Variants in MAP3K21 observed in about 807,000 individuals in gnomAD.
MAP3K21 encodes mitogen-activated protein kinase kinase kinase MLK4.
MAP3K21 carries 63 observed loss-of-function variants against 86.1 expected under a neutral mutation model. The observed-to-expected ratio is 0.73, with a 90% CI of 0.60 to 0.90. MAP3K21 has a LOEUF of 0.90. Ranked by LOEUF, MAP3K21 falls within the 40% of genes least tolerant of loss-of-function variation. The pLI is 0.00. For synonymous variants in MAP3K21, 558 were observed against 564.8 expected, an observed-to-expected ratio of 0.99 and a Z score of 0.17; for missense variants, 1,220 against 1,367.7, an observed-to-expected ratio of 0.89 and a Z score of 1.70.
intron 4 of MAP3K21, among the ~76,000 whole-genome samples, chr1:233,358,452 A>T (rs1489215330): frequency 6.9e-6 from 1 of 145,428 alleles, no homozygotes; most frequent in Admixed American, 7.1e-5. Context: ...ACTTAAAATG[A>T]TACAGGAAAG....
Position 233,327,919 on chromosome 1 carries a change from C to G in MAP3K21, c.-110C>G, listed in dbSNP as rs1474172394. ...CCGTCACCGATCGCGATTCCTACCC[C>G]CTCGCCTTCCCCCGGCGCCGACGGC... On this transcript the variant is annotated 5_prime_UTR_variant, in exon 1 of 10. Coordinates refer to ENST00000366624, the MANE Select transcript of MAP3K21 (RefSeq NM_032435.3). The G allele has an allele frequency of 1.2e-6, 1 of 856,328 alleles. No homozygotes were observed. Among genetic ancestry groups the G allele is most frequent in the South Asian group, 5.5e-5 (1 of 18,048 alleles). The allele number at this position is 856,328 out of a possible 1,614,324, so 53.0% of individuals were successfully genotyped here.
chr1:233,378,812 T>C lies in MAP3K21; in HGVS notation c.1925-119T>C, dbSNP rs558589908. Reference sequence around the variant, plus strand: ...AATCATTTGCAGAAATGAAAAGGGCTGCATGTGTTTTGATTTAAAATATGT... The same window carrying C: ...AATCATTTGCAGAAATGAAAAGGGCCGCATGTGTTTTGATTTAAAATATGT... On this transcript the variant is annotated intron_variant, in intron 8 of 9. Coordinates refer to ENST00000366624, the MANE Select transcript of MAP3K21 (RefSeq NM_032435.3). The C allele has an allele frequency of 5.2e-5, 39 of 743,410 alleles. 1 individual carries two copies. The South Asian group carries it at 6.9e-4, about 13-fold the overall frequency. 46.1% of individuals were successfully genotyped at this position (743,410 alleles called of 1,614,324 possible).
At chr1:233,378,815 A>G (rs1663847671) in intron 8 of MAP3K21, 116 bp from the exon 9 acceptor site, 1 of 756,882 alleles carries the variant, frequency 1.3e-6, no homozygotes, top group Non-Finnish European at 2.1e-6. Flanking sequence ...AAAGGGCTGC[A>G]TGTGTTTTGA....
rs766060226 is a variant in MAP3K21 at position 233,355,058 on chromosome 1, C to T, written c.1311+47C>T. 5 of 1,417,472 alleles carry T rather than the reference C, an allele frequency of 3.5e-6. No individual in the cohort carries two copies. The Admixed American group carries it at 9.7e-5, about 27-fold the overall frequency. The allele number at this position is 1,417,472 out of a possible 1,614,324, so 87.8% of individuals were successfully genotyped here. A position where few individuals can be genotyped will look rare whatever the true frequency, so the allele number is the denominator to read the frequency against. On this transcript the variant is annotated intron_variant, in intron 4 of 9. Transcript: ENST00000366624. ...CATAATGTACTCAAATTTATGAAAA[C>T]TATGGAAAATATGAGGCAAGAAGCA...
rs771269857 is a variant in MAP3K21, at chr1:233,328,751, C to T, written c.723C>T (p.Ala241=). The T allele has an allele frequency of 6.6e-7, 1 of 1,523,598 alleles. No homozygotes were observed. The highest frequency in any genetic ancestry group is 8.8e-7 in the Non-Finnish European group (1 of 1,134,242). 94.4% of individuals were successfully genotyped at this position (1,523,598 alleles called of 1,614,324 possible). A position where few individuals can be genotyped will look rare whatever the true frequency, so the allele number is the denominator to read the frequency against. Residue 241 remains alanine (A), a synonymous_variant, in exon 1 of 10, where the codon GCC becomes GCT. Transcript: ENST00000366624. This position sits in a 1 kb window ranked among gnomAD's most constrained non-coding sequence, Gnocchi z 8.7. ...RIPPHVLVNW[A]VQIARGMLYL... ...CTCCGCACGTGCTGGTCAACTGGGC[C>T]GTGCAGATAGCGCGGGGCATGCTCT...
intron 5 of MAP3K21, among the ~76,000 whole-genome samples, chr1:233,366,496 C>T (rs1302494266): frequency 6.6e-6 from 1 of 152,038 alleles, no homozygotes; most frequent in African/African-American, 2.4e-5. Context: ...AACAAAAAGA[C>T]GAAGAGAAAC....
rs533685820 is a variant in MAP3K21 at position 233,346,753 on chromosome 1, C to A, written c.986+131C>A. 544 of 783,266 alleles carry A rather than the reference C, an allele frequency of 6.9e-4. 3 individuals are homozygous for A. Among genetic ancestry groups the A allele is most frequent in the Admixed American group, 2.1e-4 (7 of 33,558 alleles). 48.5% of individuals were successfully genotyped at this position (783,266 alleles called of 1,614,324 possible). ...TTGAATGAATTTTTATGGTTTTGAT[C>A]AAAATAATTGTAATGACAACGGAAC... On this transcript the variant is annotated intron_variant, in intron 2 of 9. Coordinates refer to ENST00000366624, the MANE Select transcript of MAP3K21 (RefSeq NM_032435.3).
At chr1:233,371,608 C>T (rs1663681429) in intron 5 of MAP3K21, among the ~76,000 whole-genome samples, 1 of 152,160 alleles carries the variant, frequency 6.6e-6, no homozygotes, top group African/African-American at 2.4e-5. Context: ...GATCTGCCCA[C>T]CTCAGCCTCC....
Position 233,328,971 on chromosome 1 carries a change from G to T in MAP3K21, c.805+138G>T. 1.2e-6 allele frequency: 1 copy of T among 836,764 alleles called. No homozygotes were observed. Among genetic ancestry groups the T allele is most frequent in the Non-Finnish European group, 1.6e-6 (1 of 623,848 alleles). The allele number at this position is 836,764 out of a possible 1,614,324, so 51.8% of individuals were successfully genotyped here. A position where few individuals can be genotyped will look rare whatever the true frequency, so the allele number is the denominator to read the frequency against. ...CAGCAACTCATGCCCAGGCCTTCAG[G>T]GCTCGGAAGTCCAGCTAGTCCTTGG... On this transcript the variant is annotated intron_variant, in intron 1 of 9. Transcript: ENST00000366624. This position sits in a 1 kb window ranked among gnomAD's most constrained non-coding sequence, Gnocchi z 8.7.
At chr1:233,330,038 A>G (rs1382924649) in intron 1 of MAP3K21, among the ~76,000 whole-genome samples, 1 of 152,262 alleles carries the variant, frequency 6.6e-6, no homozygotes, top group Non-Finnish European at 1.5e-5. Flanking sequence ...GCATTGGCCT[A>G]CAACAGCTGG....
At chr1:233,337,078 A>T (rs939802964) in intron 1 of MAP3K21, among the ~76,000 whole-genome samples, 1 of 152,184 alleles carries the variant, frequency 6.6e-6, no homozygotes, top group Non-Finnish European at 1.5e-5. Context: ...GAATAGGGTG[A>T]CGTGAGGATT....
At position 233,346,593 on chromosome 1, in the gene MAP3K21, C is replaced by A; in HGVS notation, c.957C>A (p.Ser319=). ...AWMAPEVIKS[S]LFSKGSDIWS... is the part of the protein sequence containing the mutation. Reference sequence around the variant, plus strand: ...TGGCCCCCGAAGTGATCAAGTCTTCCTTGTTTTCTAAGGGAAGCGACATCT... The same window carrying A: ...TGGCCCCCGAAGTGATCAAGTCTTCATTGTTTTCTAAGGGAAGCGACATCT... The change falls in exon 2 of 10, where the codon TCC becomes TCA. Residue 319 remains serine, a synonymous_variant. Transcript: ENST00000366624. 6.2e-7 allele frequency: 1 copy of A among 1,613,544 alleles called. No homozygotes were observed. The highest frequency in any genetic ancestry group is 2.2e-5 in the East Asian group (1 of 44,876).
intron 4 of MAP3K21, 88 bp from the exon 5 acceptor site, chr1:233,361,965 G>A: frequency 6.8e-7 from 1 of 1,477,236 alleles, no homozygotes; most frequent in Non-Finnish European, 9.1e-7. Flanking sequence ...AGGAGCCCGT[G>A]GCCGAGGGGT....
chr1:233,369,220 CAAAAAAAAAA>C (rs35461412), intron 5 of MAP3K21, among the ~76,000 whole-genome samples: 1 of 105,640 alleles, frequency 9.5e-6, no homozygotes, highest in African/African-American at 3.6e-5. Context: ...TAGTAAAATA[CAAAAAAAAAA>C]AAAAAAAAAA....
At chr1:233,369,699 A>T (rs1663647738) in intron 5 of MAP3K21, among the ~76,000 whole-genome samples, 1 of 152,208 alleles carries the variant, frequency 6.6e-6, no homozygotes, top group Non-Finnish European at 1.5e-5. Flanking sequence ...AAATTTCAAT[A>T]TCCATAAAGA....
In MAP3K21 at chr1:233,355,136, C is replaced by T. The variant is rs902994226; in HGVS notation, c.1311+125C>T. 10 of 698,072 alleles carry T rather than the reference C, an allele frequency of 1.4e-5. No individual in the cohort carries two copies. In the African/African-American group the frequency reaches 1.8e-4, roughly 13 times the overall value. 43.2% of individuals were successfully genotyped at this position (698,072 alleles called of 1,614,324 possible). On this transcript the variant is annotated intron_variant, in intron 4 of 9. Coordinates refer to ENST00000366624, the MANE Select transcript of MAP3K21 (RefSeq NM_032435.3). Reference sequence around the variant, plus strand: ...AGATATCAATATTTGTTGATTCTCACCTTCTTTCAGGTTAAAAATAAAACA... The same window carrying T: ...AGATATCAATATTTGTTGATTCTCATCTTCTTTCAGGTTAAAAATAAAACA...
chr1:233,344,056 T>C (rs878958819), intron 1 of MAP3K21, among the ~76,000 whole-genome samples: 10 of 152,062 alleles, frequency 6.6e-5, no homozygotes, highest in Admixed American at 6.6e-4. Flanking sequence ...GGAGAGGAGC[T>C]GAAGGTGCTT....
intron 1 of MAP3K21, among the ~76,000 whole-genome samples, chr1:233,338,160 C>T (rs1344354054): frequency 6.6e-6 from 1 of 152,178 alleles, no homozygotes; most frequent in Non-Finnish European, 1.5e-5. Context: ...TACTACATGT[C>T]CATGTAAAGG....
At chr1:233,371,345 A>G (rs982544635) in intron 5 of MAP3K21, among the ~76,000 whole-genome samples, 2 of 152,030 alleles carry the variant, frequency 1.3e-5, no homozygotes, top group African/African-American at 4.8e-5. Context: ...GGCCATTTCA[A>G]TTTAATTTTA....
Sources: gnomAD v4.1 joint callset for allele counts (sites outside exome capture counted in the v4.1 genomes callset) on GRCh38, gnomAD v4.1.1 for gene constraint, Gnocchi (gnomAD v3.1) non-coding constraint, MANE v1.5 for transcripts, NCBI Gene and HGNC (gene_info 2026-07-23, HGNC 2026-07-21) for gene names.